Variants in PSTPIP2 observed in about 807,000 individuals in gnomAD.
The protein encoded by PSTPIP2 is proline-serine-threonine phosphatase interacting protein 2.
Under a neutral mutation model 63.3 loss-of-function variants are expected in PSTPIP2, and 33 were observed. The ratio of observed to expected loss-of-function variants is 0.52; its 90% CI spans 0.40 to 0.70. The LOEUF (loss-of-function observed/expected upper bound fraction) is 0.70. Among genes scored for constraint, PSTPIP2 ranks in the 30% least tolerant of loss-of-function variants. PSTPIP2 has a pLI of 0.00. For missense variants in PSTPIP2, 312 were observed against 400.7 expected (o/e 0.78, Z 1.89); for synonymous variants, 125 against 132.7 (o/e 0.94, Z 0.40).
At chr18:46,061,568 T>C (rs1213552321) in intron 1 of PSTPIP2, among the ~76,000 whole-genome samples, 1 of 152,112 alleles carries the variant, frequency 6.6e-6, no homozygotes, top group Non-Finnish European at 1.5e-5. Context: ...GGTCAACCAC[T>C]CTTATGGGCA....
In PSTPIP2 at chr18:45,988,719, G is replaced by T. The variant is rs753148853; in HGVS notation, c.996C>A (p.Leu332=). 27 of 1,560,192 alleles carry T rather than the reference G, an allele frequency of 1.7e-5. No individual in the cohort carries two copies. The East Asian group carries it at 2.2e-4, about 13-fold the overall frequency. The change falls in exon 14 of 15, where the codon CTC becomes CTA. Residue 332 remains leucine, a synonymous_variant. Coordinates refer to ENST00000409746, the MANE Select transcript of PSTPIP2 (RefSeq NM_024430.4). ...GTTCTTACCATTGATTTTACTGATA[G>T]AGCAAACTGTAGTCATCAACCAAAG... ...NYSLVDDYSL[L]YQ
intron 5 of PSTPIP2, 101 bp from the exon 6 acceptor site, chr18:46,005,632 A>C: frequency 1.2e-6 from 1 of 857,576 alleles, no homozygotes; most frequent in Non-Finnish European, 1.7e-6. Flanking sequence ...TTAAGTGTTC[A>C]AAATGATTAC....
intron 1 of PSTPIP2, among the ~76,000 whole-genome samples, chr18:46,042,080 A>C (rs1375031791): frequency 2.0e-5 from 3 of 152,116 alleles, no homozygotes; most frequent in Non-Finnish European, 4.4e-5. Context: ...GCACCCTAAC[A>C]AGCCATTTCA....
chr18:45,997,665 T>TCC lies in PSTPIP2; in HGVS notation c.642+82_642+83dup, dbSNP rs1298138775. ...CCTCCCTCCCCTCCCCCTCCTCCCCTCCCCCCCCCGTCCTGAGCAGCTTCC... is the reference window on the plus strand; with the variant it reads ...CCTCCCTCCCCTCCCCCTCCTCCCCTCCCCCCCCCCCGTCCTGAGCAGCTTCC... On this transcript the variant is annotated intron_variant, in intron 9 of 14. Transcript: ENST00000409746. The TCC allele has an allele frequency of 6.9e-3, 204 of 29,646 alleles. 5 individuals are homozygous for TCC. Among genetic ancestry groups the TCC allele is most frequent in the African/African-American group, 0.026 (159 of 6,148 alleles). 1.8% of individuals were successfully genotyped at this position (29,646 alleles called of 1,614,324 possible).
At chr18:46,025,379 G>T (rs992117574) in intron 2 of PSTPIP2, among the ~76,000 whole-genome samples, 1 of 152,062 alleles carries the variant, frequency 6.6e-6, no homozygotes, top group Admixed American at 6.6e-5. Context: ...TCTAAAACAC[G>T]CCAGCACCTT....
At chr18:46,068,598 G>A (rs867785895) in intron 1 of PSTPIP2, among the ~76,000 whole-genome samples, 14 of 151,344 alleles carry the variant, frequency 9.3e-5, no homozygotes, top group African/African-American at 2.4e-4. Context: ...ATGCCCGGCC[G>A]GCTTACACCT....
At chr18:46,025,438 A>AGGTTAAT (rs1273564990) in intron 2 of PSTPIP2, among the ~76,000 whole-genome samples, 1 of 152,206 alleles carries the variant, frequency 6.6e-6, no homozygotes, top group Non-Finnish European at 1.5e-5. Context: ...GCCACTGCCA[A>AGGTTAAT]GGTTAATAGT....
intron 9 of PSTPIP2, 48 bp downstream of exon 9, chr18:45,997,701 A>ACCCAC: frequency 3.0e-6 from 1 of 332,624 alleles, no homozygotes. Flanking sequence ...TGTTACACAC[A>ACCCAC]CCCCCACCCA....
chr18:45,987,024 G>C (rs2051475020), intron 14 of PSTPIP2, among the ~76,000 whole-genome samples: 1 of 152,044 alleles, frequency 6.6e-6, no homozygotes, highest in South Asian at 2.1e-4. Flanking sequence ...TTTTTTGTTT[G>C]TTTGTTTTAG....
At chr18:46,010,344 G>A (rs530397953) in intron 5 of PSTPIP2, among the ~76,000 whole-genome samples, 3 of 152,314 alleles carry the variant, frequency 2.0e-5, no homozygotes, top group South Asian at 4.1e-4. Flanking sequence ...CAAAAGTCAC[G>A]CAGAGCTGTG....
rs73438260 is a variant in PSTPIP2, at chr18:46,019,163, T to G, written c.213-3226A>C. Reference sequence around the variant, plus strand: ...TCATGGAACTGTGGACTGTGCTCACTCAACCTACCCAAGCAGGGTTGGGAT... The same window carrying G: ...TCATGGAACTGTGGACTGTGCTCACGCAACCTACCCAAGCAGGGTTGGGAT... On this transcript the variant is annotated intron_variant, in intron 3 of 14. Transcript: ENST00000409746. Among the ~76,000 whole-genome samples the G allele has an allele frequency of 6.5e-3, 991 of 152,266 alleles. 15 individuals are homozygous for G. The highest frequency in any genetic ancestry group is 0.022 in the African/African-American group (913 of 41,536).
chr18:45,999,413 G>C, intron 7 of PSTPIP2, 23 bp downstream of exon 7: 1 of 1,610,456 alleles, frequency 6.2e-7, no homozygotes, highest in South Asian at 1.1e-5. Flanking sequence ...CAGATTTTTC[G>C]GGTTGTTAGC....
chr18:46,008,501 G>A (rs1036908146), intron 5 of PSTPIP2, among the ~76,000 whole-genome samples: 3 of 151,158 alleles, frequency 2.0e-5, no homozygotes, highest in African/African-American at 4.9e-5. Flanking sequence ...TAGTAGAGAC[G>A]GGGTTTTGCC....
chr18:46,030,478 A>G lies in PSTPIP2; in HGVS notation c.135-5792T>C, dbSNP rs113521339. ...AGTGTTAGATAATGAGCATTGTTGT[A>G]CTTCCACCTCCTCAATATTGTTTAC... On this transcript the variant is annotated intron_variant, in intron 2 of 14. Transcript: ENST00000409746. Among the ~76,000 whole-genome samples the G allele has an allele frequency of 7.1e-3, 1,080 of 152,282 alleles. 17 individuals are homozygous for G. The highest frequency in any genetic ancestry group is 0.03 in the Admixed American group (460 of 15,280).
chr18:45,983,731 G>A lies in PSTPIP2; in HGVS notation c.*1728C>T, dbSNP rs1024803840. ...CTGAGTGTAAAGGAACATTTCCTGA[G>A]CCCGTTCAGTTTGGGGAAATTTGGC... On this transcript the variant is annotated 3_prime_UTR_variant, in exon 15 of 15. Transcript: ENST00000409746. The A allele has an allele frequency of 6.6e-6, 1 of 152,206 alleles. No individual in the cohort carries two copies. The highest frequency in any genetic ancestry group is 1.5e-5 in the Non-Finnish European group (1 of 68,038). 9.4% of individuals were successfully genotyped at this position (152,206 alleles called of 1,614,324 possible). A position where few individuals can be genotyped will look rare whatever the true frequency, so the allele number is the denominator to read the frequency against.
chr18:45,992,618 C>T (rs2051549598), intron 10 of PSTPIP2, among the ~76,000 whole-genome samples: 1 of 151,888 alleles, frequency 6.6e-6, no homozygotes, highest in African/African-American at 2.4e-5. Context: ...CTGACTCTTC[C>T]AAATTTTCTT....
intron 1 of PSTPIP2, among the ~76,000 whole-genome samples, chr18:46,051,830 A>G (rs1365266580): frequency 6.6e-6 from 1 of 152,230 alleles, no homozygotes; most frequent in Non-Finnish European, 1.5e-5. Flanking sequence ...AGTTAATAAA[A>G]AACAAGTTGA....
At chr18:46,039,335 C>T (rs781066075) in intron 2 of PSTPIP2, among the ~76,000 whole-genome samples, 8 of 152,124 alleles carry the variant, frequency 5.3e-5, no homozygotes, top group Non-Finnish European at 1.2e-4. Context: ...CTGCCACCCC[C>T]AGGAGCATCA....
intron 2 of PSTPIP2, among the ~76,000 whole-genome samples, chr18:46,028,126 A>T (rs138015273): frequency 1.3e-5 from 2 of 152,172 alleles, no homozygotes; most frequent in Admixed American, 6.5e-5. Flanking sequence ...GCGCCATTGC[A>T]CTCCAGCCCG....
Sources: allele counts gnomAD v4.1 joint callset (sites outside exome capture counted in the v4.1 genomes callset), GRCh38; gene constraint gnomAD v4.1.1; transcripts MANE v1.5; gene names NCBI Gene and HGNC (gene_info 2026-07-23, HGNC 2026-07-21).